The following JPH3 variants were observed in gnomAD, a reference collection of about 807,000 sequenced individuals.
JPH3 encodes the protein junctophilin 3.
In JPH3, 11 loss-of-function variants were observed where a neutral mutation model predicts 59.6. The observed-to-expected ratio is 0.18, with a 90% CI of 0.12 to 0.31. JPH3 has a LOEUF of 0.31. JPH3 is among the 10% of genes least tolerant of loss of function. The probability of loss-of-function intolerance (pLI) is 1.00; values close to 1 mark genes in which losing one functional copy is unlikely to be tolerated. For missense variants in JPH3, 1,202 were observed against 1,105.7 expected, an observed-to-expected ratio of 1.09 and a Z score of -1.24; for synonymous variants, 673 against 483.6, an observed-to-expected ratio of 1.39 and a Z score of -5.14.
chr16:87,663,115 C>CTTTTTTTTTTTTTTTTT (rs60196379), intron 2 of JPH3, among the ~76,000 whole-genome samples: 70 of 143,440 alleles, frequency 4.9e-4, no homozygotes, highest in African/African-American at 6.6e-4. Context: ...TAATTTCTTT[C>CTTTTTTTTTTTTTTTTT]TTTTTTTTTT....
chr16:87,624,532 G>A (rs945626020), intron 1 of JPH3, among the ~76,000 whole-genome samples: 2 of 152,250 alleles, frequency 1.3e-5, no homozygotes, highest in East Asian at 3.9e-4. Flanking sequence ...GGGGCACCGC[G>A]TTTTGTGTGA....
At chr16:87,655,166 C>T (rs1597266202) in intron 2 of JPH3, among the ~76,000 whole-genome samples, 1 of 152,112 alleles carries the variant, frequency 6.6e-6, no homozygotes, top group Non-Finnish European at 1.5e-5. Context: ...ATGGGAGAGC[C>T]GAGTCTGCCG....
At chr16:87,671,949 G>A (rs760853820) in intron 2 of JPH3, among the ~76,000 whole-genome samples, 3 of 152,330 alleles carry the variant, frequency 2.0e-5, no homozygotes, top group South Asian at 4.1e-4. Context: ...ATGCACCTTC[G>A]TCTGTGGGGG....
At chr16:87,684,324 G>A (rs2033366137) in intron 3 of JPH3, 58 bp downstream of exon 3, 1 of 1,589,168 alleles carries the variant, frequency 6.3e-7, no homozygotes, top group South Asian at 1.1e-5. Flanking sequence ...GGATGGCTGG[G>A]CAGTCCTGGC....
Position 87,696,589 on chromosome 16 carries a change from C to G in JPH3, c.2176C>G (p.Pro726Ala), listed in dbSNP as rs1403116991. 2 of 1,613,398 alleles carry G rather than the reference C, an allele frequency of 1.2e-6. No individual in the cohort carries two copies. The highest frequency in any genetic ancestry group is 1.7e-6 in the Non-Finnish European group (2 of 1,179,860). ...DELKSSTGSAPILVVMVILLN... is the reference protein window; with the variant it reads ...DELKSSTGSAAILVVMVILLN... ...CCTCGCTCTCTTCCAGGGCTCAGCG[C>G]CTATCCTGGTGGTCATGGTGATCTT... Residue 726 changes from proline (P) to alanine (A), a missense_variant, in exon 5 of 5, where the codon CCT becomes GCT. Transcript: ENST00000284262.
Position 87,620,457 on chromosome 16 carries a change from A to AGAGAGAGGGAGAGAAAGAGAG in JPH3, c.382+16944_382+16945insAGAGAGGAGAGAGGGAGAGAA, listed in dbSNP as rs1555534443. ...AGGGGAGGGAGAGAGAGAGAGAAGG[A>AGAGAGAGGGAGAGAAAGAGAG]GAGAGAGGGAGAGAAGGAGAGAAGA... is the stretch of plus-strand genomic sequence containing the variant. On this transcript the variant is annotated intron_variant, in intron 1 of 4. Coordinates refer to ENST00000284262, the MANE Select transcript of JPH3 (RefSeq NM_020655.4). Among the ~76,000 whole-genome samples the AGAGAGAGGGAGAGAAAGAGAG allele has an allele frequency of 3.2e-5, 3 of 94,894 alleles. 1 individual carries two copies. The East Asian group carries it at 1.3e-3, about 40-fold the overall frequency. The allele number at this position is 94,894 out of a possible 152,430, so 62.3% of individuals were successfully genotyped here.
intron 1 of JPH3, among the ~76,000 whole-genome samples, chr16:87,640,304 G>A (rs1460378893): frequency 1.3e-5 from 2 of 149,434 alleles, no homozygotes; most frequent in African/African-American, 5.0e-5. Flanking sequence ...ACTCTAGCCT[G>A]GCGACAGAGC....
chr16:87,689,627 G>C lies in JPH3; in HGVS notation c.1286-19G>C. 2.5e-6 allele frequency: 4 copies of C among 1,609,136 alleles called. No homozygotes were observed. The highest frequency in any genetic ancestry group is 3.4e-6 in the Non-Finnish European group (4 of 1,178,340). On this transcript the variant is annotated intron_variant, in intron 3 of 4. Coordinates refer to ENST00000284262, the MANE Select transcript of JPH3 (RefSeq NM_020655.4). ...GTGCTGGGTAACGCCGTCTGGCGTC[G>C]TCTTGTGTCCCCATACAGGGCTGGA...
chr16:87,606,542 G>T (rs919086138), intron 1 of JPH3, among the ~76,000 whole-genome samples: 9 of 152,080 alleles, frequency 5.9e-5, no homozygotes, highest in Admixed American at 3.3e-4. Context: ...TTGCATCCTG[G>T]GCTTGAATCC....
At chr16:87,624,941 A>C (rs147483863) in intron 1 of JPH3, among the ~76,000 whole-genome samples, 3,105 of 152,288 alleles carry the variant, frequency 0.02, 61 homozygotes, top group African/African-American at 0.052. Context: ...CTGGGATTAT[A>C]GGCATGCGCC....
rs1453952560 is a variant in JPH3, at chr16:87,697,619, T to A, written c.*959T>A. ...ATCTCCACGGGTTTTCACATCTCTG[T>A]ACTGTGCCTGCCTCAACTTCCCCTA... On this transcript the variant is annotated 3_prime_UTR_variant, in exon 5 of 5. Coordinates refer to ENST00000284262, the MANE Select transcript of JPH3 (RefSeq NM_020655.4). 1 of 152,318 alleles carries A rather than the reference T, an allele frequency of 6.6e-6. No individual in the cohort carries two copies. The highest frequency in any genetic ancestry group is 2.4e-5 in the African/African-American group (1 of 41,456). The allele number at this position is 152,318 out of a possible 1,614,324, so 9.4% of individuals were successfully genotyped here.
intron 1 of JPH3, among the ~76,000 whole-genome samples, chr16:87,639,319 G>A (rs55657685): frequency 0.33 from 49,524 of 151,840 alleles, 8,305 homozygotes; most frequent in Middle Eastern, 0.42. Context: ...AAGTCTGTCT[G>A]AGGCCTCCTA....
At chr16:87,656,665 C>T (rs2032511933) in intron 2 of JPH3, among the ~76,000 whole-genome samples, 1 of 152,162 alleles carries the variant, frequency 6.6e-6, no homozygotes, top group South Asian at 2.1e-4. Context: ...GCTGGCGGGT[C>T]AGGGGCAGTT....
intron 1 of JPH3, among the ~76,000 whole-genome samples, chr16:87,620,458 GAGAGAGGGAGAGAAGGAGAGA>G (rs1308856186): frequency 6.2e-4 from 41 of 66,108 alleles, no homozygotes; most frequent in Non-Finnish European, 1.2e-3. Context: ...GAGAGAAGGA[GAGAGAGGGAGAGAAGGAGAGA>G]AGAGAGGGAG....
chr16:87,669,638 G>A (rs2032963853), intron 2 of JPH3, among the ~76,000 whole-genome samples: 1 of 152,200 alleles, frequency 6.6e-6, no homozygotes, highest in South Asian at 2.1e-4. Context: ...CCACAGCAGT[G>A]AGAGAGGCCT....
intron 1 of JPH3, among the ~76,000 whole-genome samples, chr16:87,636,873 C>T (rs142274553): frequency 6.6e-6 from 1 of 152,378 alleles, no homozygotes; most frequent in Admixed American, 6.5e-5. Context: ...TGGAAACTAA[C>T]TCAGCTCCGA....
intron 2 of JPH3, among the ~76,000 whole-genome samples, chr16:87,674,672 G>A (rs888642681): frequency 6.6e-6 from 1 of 152,252 alleles, no homozygotes; most frequent in Non-Finnish European, 1.5e-5. Context: ...CTGGACACAT[G>A]TGGAAGGGTT....
Position 87,644,337 on chromosome 16 carries a change from G to T in JPH3, c.462G>T (p.Ala154=), listed in dbSNP as rs369637308. ...AGAGCGTCCCGTATGGCATGGCCGC[G>T]GTCATCCGCTCACCCCTGAGGACGT... The part of the protein sequence containing the change: ...VRQSVPYGMA[A]VIRSPLRTSI... Residue 154 remains alanine (A), a synonymous_variant, in exon 2 of 5, where the codon GCG becomes GCT. Transcript: ENST00000284262. 4 of 1,612,980 alleles carry T rather than the reference G, an allele frequency of 2.5e-6. No homozygotes were observed. Among genetic ancestry groups the T allele is most frequent in the Non-Finnish European group, 3.4e-6 (4 of 1,179,948 alleles).
At chr16:87,620,703 C>T (rs549016407) in intron 1 of JPH3, among the ~76,000 whole-genome samples, 1 of 152,336 alleles carries the variant, frequency 6.6e-6, no homozygotes, top group East Asian at 1.9e-4. Flanking sequence ...CTGTGAGGCG[C>T]TGTCCTCCTG....
Sources: allele counts gnomAD v4.1 joint callset (sites outside exome capture counted in the v4.1 genomes callset), GRCh38; gene constraint gnomAD v4.1.1; transcripts MANE v1.5; gene names NCBI Gene and HGNC (gene_info 2026-07-23, HGNC 2026-07-21).